The following TUSC3 variants were observed in gnomAD, a reference collection of about 807,000 sequenced individuals.
TUSC3 encodes the protein dolichyl-diphosphooligosaccharide--protein glycosyltransferase subunit TUSC3.
Under a neutral mutation model 44.8 loss-of-function variants are expected in TUSC3, and 45 were observed. The ratio of observed to expected loss-of-function variants is 1.00; its 90% CI spans 0.79 to 1.29. The LOEUF (loss-of-function observed/expected upper bound fraction) is 1.29, where lower values mean the gene tolerates loss of function less well. Ranked by LOEUF, TUSC3 falls within the 50% of genes most tolerant of loss-of-function variation. The pLI, the probability that TUSC3 is intolerant of heterozygous loss-of-function variation, is 0.00. For missense variants in TUSC3, 519 were observed against 437.9 expected (o/e 1.19, Z -1.65); for synonymous variants, 212 against 152.9 (o/e 1.39, Z -2.85).
At position 15,730,680 on chromosome 8, in the gene TUSC3, G is replaced by C; in HGVS notation, c.813G>C (p.Gly271=). The change falls in exon 7 of 11, where the codon GGG becomes GGC. Residue 271 remains glycine, a synonymous_variant. Coordinates refer to ENST00000503731, the MANE Select transcript of TUSC3 (RefSeq NM_006765.4). ...PHNGQVSYIH[G]SSQAQFVAES... ...TTCTTTTATAGAGCTACATTCATGG[G>C]AGCAGCCAGGCTCAGTTTGTGGCAG... The C allele has an allele frequency of 6.2e-7, 1 of 1,613,050 alleles. No individual in the cohort carries two copies. Among genetic ancestry groups the C allele is most frequent in the Non-Finnish European group, 8.5e-7 (1 of 1,179,382 alleles).
chr8:15,657,407 C>T (rs139389599), intron 3 of TUSC3, among the ~76,000 whole-genome samples: 25 of 152,276 alleles, frequency 1.6e-4, no homozygotes, highest in African/African-American at 5.8e-4. Flanking sequence ...GTTCTGCATT[C>T]TATAAAGTCC....
chr8:15,489,709 G>C (rs916684041), intron 2 of TUSC3, among the ~76,000 whole-genome samples: 4 of 152,152 alleles, frequency 2.6e-5, no homozygotes, highest in African/African-American at 9.7e-5. Flanking sequence ...GTTTTAATGT[G>C]AATGTTGGCC....
intron 2 of TUSC3, among the ~76,000 whole-genome samples, chr8:15,492,949 C>G (rs1402350270): frequency 1.3e-5 from 2 of 151,904 alleles, no homozygotes; most frequent in East Asian, 3.9e-4. Context: ...AAACTGTTGC[C>G]ACTGCACTCC....
At chr8:15,741,012 A>C (rs781406753) in intron 7 of TUSC3, among the ~76,000 whole-genome samples, 13 of 152,234 alleles carry the variant, frequency 8.5e-5, no homozygotes, top group Non-Finnish European at 5.9e-5. Context: ...ACATTGTAAC[A>C]ATACAGAGGG....
At chr8:15,455,049 G>A (rs28718126) in intron 1 of TUSC3, among the ~76,000 whole-genome samples, 24,832 of 152,082 alleles carry the variant, frequency 0.16, 3,834 homozygotes, top group African/African-American at 0.4. Flanking sequence ...AGATCTTTGG[G>A]GAAGATGATG....
At chr8:15,766,938 C>G (rs1286584115), downstream of TUSC3, among the ~76,000 whole-genome samples, 2 of 152,042 alleles carry the variant, frequency 1.3e-5, no homozygotes, top group Non-Finnish European at 2.9e-5. Context: ...CATGTAGGGA[C>G]AAAATACTTG....
chr8:15,601,311 C>T (rs920713207), intron 1 of TUSC3, among the ~76,000 whole-genome samples: 2 of 151,674 alleles, frequency 1.3e-5, no homozygotes, highest in African/African-American at 4.8e-5. Flanking sequence ...ACCATTTCCT[C>T]AAACTGTTCT....
chr8:15,642,446 A>G (rs1806415837), intron 2 of TUSC3, among the ~76,000 whole-genome samples: 1 of 152,220 alleles, frequency 6.6e-6, no homozygotes, highest in Non-Finnish European at 1.5e-5. Context: ...CTAAATCTCC[A>G]TGAATGTTTC....
chr8:15,660,381 GT>G (rs1268678442), intron 4 of TUSC3, among the ~76,000 whole-genome samples: 12 of 152,060 alleles, frequency 7.9e-5, no homozygotes, highest in East Asian at 1.9e-4. Flanking sequence ...TGATCTATTA[GT>G]TTTTTATAAA....
At chr8:15,444,812 T>C (rs1392080419) in intron 1 of TUSC3, among the ~76,000 whole-genome samples, 1 of 152,158 alleles carries the variant, frequency 6.6e-6, no homozygotes, top group East Asian at 1.9e-4. Context: ...TGGTGACCAG[T>C]GAGGCAAGTG....
At chr8:15,832,930 A>G in the TUSC3 span, among the ~76,000 whole-genome samples, 8 of 152,164 alleles carry the variant, frequency 5.3e-5, no homozygotes, top group African/African-American at 1.9e-4. Flanking sequence ...GATTAAATGG[A>G]TGTGATAGAT....
the TUSC3 span, among the ~76,000 whole-genome samples, chr8:15,826,285 G>A: frequency 6.6e-6 from 1 of 152,086 alleles, no homozygotes; most frequent in Non-Finnish European, 1.5e-5. Context: ...AGTACGAATG[G>A]GATTTGGCCT....
intron 1 of TUSC3, among the ~76,000 whole-genome samples, chr8:15,559,311 T>A (rs201454019): frequency 0.085 from 10,396 of 123,018 alleles, 551 homozygotes; most frequent in Middle Eastern, 0.11. Flanking sequence ...AGTTGAGCAG[T>A]TTTGAGTGAG....
intron 1 of TUSC3, among the ~76,000 whole-genome samples, chr8:15,427,297 G>T (rs1160804462): frequency 2.0e-5 from 3 of 151,162 alleles, no homozygotes; most frequent in African/African-American, 7.3e-5. Context: ...GTATGAGCAG[G>T]GCAGGAGAGG....
At chr8:15,698,654 T>G (rs969591567) in intron 6 of TUSC3, among the ~76,000 whole-genome samples, 1 of 152,144 alleles carries the variant, frequency 6.6e-6, no homozygotes, top group Non-Finnish European at 1.5e-5. Context: ...CTGACAATAT[T>G]AGATATTTAG....
chr8:15,450,784 CAG>C (rs1800187889), intron 1 of TUSC3, among the ~76,000 whole-genome samples: 1 of 152,066 alleles, frequency 6.6e-6, no homozygotes, highest in Admixed American at 6.6e-5. Flanking sequence ...TAAACAGAAA[CAG>C]ATGTTGGCTT....
At chr8:15,570,224 C>G (rs190951288) in intron 1 of TUSC3, among the ~76,000 whole-genome samples, 1 of 151,054 alleles carries the variant, frequency 6.6e-6, no homozygotes, top group African/African-American at 2.4e-5. Context: ...CACTCCACAT[C>G]TTTTTCCAGT....
the TUSC3 span, among the ~76,000 whole-genome samples, chr8:15,797,615 G>C: frequency 6.6e-6 from 1 of 152,210 alleles, no homozygotes; most frequent in African/African-American, 2.4e-5. Context: ...AGAAGCACTC[G>C]TGCTAAATCC....
upstream of TUSC3, among the ~76,000 whole-genome samples, chr8:15,538,775 T>C (rs1265367734): frequency 3.9e-5 from 6 of 152,040 alleles, no homozygotes; most frequent in Admixed American, 2.6e-4. Flanking sequence ...ATTTTCATAC[T>C]CAGTAAGTTG....
Sources: allele counts gnomAD v4.1 joint callset (sites outside exome capture counted in the v4.1 genomes callset), GRCh38; gene constraint gnomAD v4.1.1; transcripts MANE v1.5; gene names NCBI Gene and HGNC (gene_info 2026-07-23, HGNC 2026-07-21).